Variants in SP4 observed in about 807,000 individuals in gnomAD.
The protein encoded by SP4 is transcription factor Sp4.
Under a neutral mutation model 72.8 loss-of-function variants are expected in SP4, and 19 were observed. The ratio of observed to expected loss-of-function variants is 0.26; its 90% CI spans 0.18 to 0.38. The LOEUF is 0.38. Among genes scored for constraint, SP4 ranks in the 10% least tolerant of loss-of-function variants. The pLI is 1.00. For synonymous variants in SP4, 395 were observed against 333.1 expected (o/e 1.19, Z -2.02); for missense variants, 1,008 against 926.3 (o/e 1.09, Z -1.14).
chr7:21,492,684 C>T (rs554453975), intron 5 of SP4, among the ~76,000 whole-genome samples: 1 of 152,294 alleles, frequency 6.6e-6, no homozygotes, highest in South Asian at 2.1e-4. Context: ...TCAATCATTA[C>T]ACTAAATGCA....
At position 21,512,187 on chromosome 7, in the gene SP4, A is replaced by C. The variant is rs1782164022; in HGVS notation, c.*918A>C. The C allele has an allele frequency of 6.6e-6, 1 of 152,636 alleles. No individual in the cohort carries two copies. Among genetic ancestry groups the C allele is most frequent in the Admixed American group, 6.5e-5 (1 of 15,272 alleles). 9.5% of individuals were successfully genotyped at this position (152,636 alleles called of 1,614,324 possible). A position where few individuals can be genotyped will look rare whatever the true frequency, so the allele number is the denominator to read the frequency against. Reference sequence around the variant, plus strand: ...TGTTCTGTAGTTTCATATTTTGTAAATATGAGTTATGTTGACAATGTGCAG... The same window carrying C: ...TGTTCTGTAGTTTCATATTTTGTAACTATGAGTTATGTTGACAATGTGCAG... On this transcript the variant is annotated 3_prime_UTR_variant, in exon 6 of 6. Coordinates refer to ENST00000222584, the MANE Select transcript of SP4 (RefSeq NM_003112.5).
intron 3 of SP4, among the ~76,000 whole-genome samples, chr7:21,438,782 ATCTTC>A (rs1280696346): frequency 2.6e-5 from 4 of 152,314 alleles, no homozygotes; most frequent in East Asian, 3.9e-4. Flanking sequence ...GTGAATGGGA[ATCTTC>A]TCTTTGTCCA....
chr7:21,458,464 G>T (rs748652387), intron 3 of SP4, among the ~76,000 whole-genome samples: 1 of 152,128 alleles, frequency 6.6e-6, no homozygotes, highest in Admixed American at 6.5e-5. Context: ...GAGTACAGCC[G>T]TGAGCCACTG....
At position 21,511,222 on chromosome 7, in the gene SP4, T is replaced by G. The variant is rs779198359; in HGVS notation, c.2308T>G (p.Ser770Ala). 1.9e-6 allele frequency: 3 copies of G among 1,614,192 alleles called. No individual in the cohort carries two copies. Among genetic ancestry groups the G allele is most frequent in the Non-Finnish European group, 2.5e-6 (3 of 1,180,014 alleles). The change falls in exon 6 of 6, where the codon TCG (serine) becomes GCG (alanine). Residue 770 changes from serine (S) to alanine (A), a missense_variant. Physicochemically the swap from Ser to Ala is moderately conservative, Grantham distance 99. Around this residue, in one of 3 missense-constraint regions of SP4, gnomAD observed 67 missense variants for 66.1 expected, o/e 1.01. Coordinates refer to ENST00000222584, the MANE Select transcript of SP4 (RefSeq NM_003112.5). ...CACAGTTGCAGCCATTTCTCAAGAT[T>G]CGAATCCAGCAACTCCCAATGTTTC... ...IVTVAAISQD[S>A]NPATPNVSTN...
chr7:21,467,444 C>T (rs1784200609), intron 3 of SP4, among the ~76,000 whole-genome samples: 1 of 152,086 alleles, frequency 6.6e-6, no homozygotes, highest in Non-Finnish European at 1.5e-5. Flanking sequence ...TTGCAGCTAT[C>T]ACCACAATCT....
In SP4 at chr7:21,429,856, G is replaced by A. The variant is rs1432734715; in HGVS notation, c.691G>A (p.Val231Ile). The change falls in exon 3 of 6, where the codon GTC becomes ATC. Residue 231 changes from valine to isoleucine, a missense_variant. Physicochemically the swap from Val to Ile is conservative, Grantham distance 29 (BLOSUM62 3). Around this residue, in one of 3 missense-constraint regions of SP4, gnomAD observed 893 missense variants for 743.3 expected, o/e 1.20. Transcript: ENST00000222584. ...AQNLANQTVPVQIRPGVSIPL... is the reference protein window; with the variant it reads ...AQNLANQTVPIQIRPGVSIPL... ...AAACCTGGCAAATCAGACAGTTCCG[G>A]TCCAAATTAGACCTGGTGTTTCAAT... 3 of 1,614,194 alleles carry A rather than the reference G, an allele frequency of 1.9e-6. No homozygotes were observed. Among genetic ancestry groups the A allele is most frequent in the Non-Finnish European group, 2.5e-6 (3 of 1,180,032 alleles).
Position 21,468,001 on chromosome 7 carries a change from A to T in SP4, c.1679-9078A>T, listed in dbSNP as rs1028999109. ...TTTATTTATAGGTAGATAGATAAAT[A>T]GTTTTGTTTTTCAAATTTGCGGATC... On this transcript the variant is annotated intron_variant, in intron 3 of 5. Coordinates refer to ENST00000222584, the MANE Select transcript of SP4 (RefSeq NM_003112.5). Among the ~76,000 whole-genome samples, 5 of 152,260 alleles carry T rather than the reference A, an allele frequency of 3.3e-5. No homozygotes were observed. The East Asian group carries it at 9.6e-4, about 29-fold the overall frequency.
Position 21,429,378 on chromosome 7 carries a change from AATT to A in SP4, c.219_221del (p.Ile74del), listed in dbSNP as rs1447736815. The stretch of plus-strand genomic sequence containing the variant: ...AAAATCAAGCAACTGGACAACAACA[AATT>A]ATTATAGATCCAAGTCAAGGATTGG... On this transcript the variant is annotated inframe_deletion, in exon 3 of 6. Coordinates refer to ENST00000222584, the MANE Select transcript of SP4 (RefSeq NM_003112.5). 1.2e-6 allele frequency: 2 copies of A among 1,613,928 alleles called. No homozygotes were observed. The highest frequency in any genetic ancestry group is 1.7e-6 in the Non-Finnish European group (2 of 1,179,932).
Position 21,461,393 on chromosome 7 carries a change from C to A in SP4, c.1679-15686C>A, listed in dbSNP as rs1016896583. Among the ~76,000 whole-genome samples, 134 of 152,190 alleles carry A rather than the reference C, an allele frequency of 8.8e-4. 1 individual carries two copies. The highest frequency in any genetic ancestry group is 3.1e-4 in the Non-Finnish European group (21 of 68,020). ...TGAGCCCTGCCTCGCGGGGAGGCAGCTAAGGCCTGGCGAGAAATCGAGCGC... is the reference window on the plus strand; with the variant it reads ...TGAGCCCTGCCTCGCGGGGAGGCAGATAAGGCCTGGCGAGAAATCGAGCGC... On this transcript the variant is annotated intron_variant, in intron 3 of 5. Transcript: ENST00000222584.
chr7:21,493,778 C>T (rs141159499), intron 5 of SP4, among the ~76,000 whole-genome samples: 1 of 152,056 alleles, frequency 6.6e-6, no homozygotes, highest in Non-Finnish European at 1.5e-5. Context: ...ATAAATAATA[C>T]CAAATTCTAC....
rs1782805884 is a variant in SP4 at position 21,430,486 on chromosome 7, T to C, written c.1321T>C (p.Leu441=). ...GATTCAGACCATCCAGCAGCAGCCT[T>C]TACAGAATGTTCAACTTCAAGCAGT... is the stretch of plus-strand genomic sequence containing the variant. ...QTIQTIQQQP[L]QNVQLQAVNP... is the part of the protein sequence containing the mutation. Residue 441 remains leucine (L), a synonymous_variant, in exon 3 of 6, where the codon TTA becomes CTA. Transcript: ENST00000222584. 3 of 1,614,196 alleles carry C rather than the reference T, an allele frequency of 1.9e-6. No homozygotes were observed. Among genetic ancestry groups the C allele is most frequent in the Non-Finnish European group, 2.5e-6 (3 of 1,180,034 alleles).
intron 5 of SP4, among the ~76,000 whole-genome samples, chr7:21,503,278 G>A (rs746053271): frequency 2.2e-4 from 33 of 152,246 alleles, no homozygotes; most frequent in African/African-American, 6.7e-4. Flanking sequence ...TTCCATAGCC[G>A]GAAGATCTGT....
rs1478935668 is a variant in SP4, at chr7:21,478,515, A to G, written c.1907+1208A>G. ...AGGGTATGAAGGTTCCAGTCTCTCTAGATCATTGCCAGTACTTGTCATTAT... is the reference window on the plus strand; with the variant it reads ...AGGGTATGAAGGTTCCAGTCTCTCTGGATCATTGCCAGTACTTGTCATTAT... On this transcript the variant is annotated intron_variant, in intron 4 of 5. Coordinates refer to ENST00000222584, the MANE Select transcript of SP4 (RefSeq NM_003112.5). Among the ~76,000 whole-genome samples the G allele has an allele frequency of 2.6e-5, 4 of 152,072 alleles. No individual in the cohort carries two copies. The East Asian group carries it at 7.7e-4, about 29-fold the overall frequency.
chr7:21,485,912 T>TAGATCTCATATTGGTTCTCA (rs1784801359), intron 5 of SP4, among the ~76,000 whole-genome samples: 1 of 152,054 alleles, frequency 6.6e-6, no homozygotes, highest in African/African-American at 2.4e-5. Flanking sequence ...CTGTTCGTTT[T>TAGATCTCATATTGGTTCTCA]AGATCTCATA....
intron 3 of SP4, among the ~76,000 whole-genome samples, chr7:21,443,545 C>T (rs997270621): frequency 6.6e-5 from 10 of 152,136 alleles, no homozygotes; most frequent in Non-Finnish European, 1.2e-4. Flanking sequence ...GGGTTTAGTA[C>T]AGTTCTGTAA....
chr7:21,442,119 G>A (rs2128394958), intron 3 of SP4, among the ~76,000 whole-genome samples: 1 of 147,334 alleles, frequency 6.8e-6, no homozygotes, highest in African/African-American at 2.5e-5. Context: ...GCTCGCTGCA[G>A]CCTCTGCCTC....
At chr7:21,469,993 G>A (rs533175932) in intron 3 of SP4, among the ~76,000 whole-genome samples, 33 of 152,086 alleles carry the variant, frequency 2.2e-4, no homozygotes, top group Non-Finnish European at 4.7e-4. Context: ...TGAGAGTTAT[G>A]CTCTGGGATC....
chr7:21,463,548 T>C (rs1385232023), intron 3 of SP4, among the ~76,000 whole-genome samples: 1 of 151,706 alleles, frequency 6.6e-6, no homozygotes, highest in Non-Finnish European at 1.5e-5. Flanking sequence ...CAGAGGAGGG[T>C]TGGATTGAGA....
In SP4 at chr7:21,458,090, T is replaced by C. The variant is rs185120909; in HGVS notation, c.1679-18989T>C. Reference sequence around the variant, plus strand: ...TGTATTAAAAGGATTTGGCTTTGATTATAGCTTTACAGTGAAGTTCATTTC... The same window carrying C: ...TGTATTAAAAGGATTTGGCTTTGATCATAGCTTTACAGTGAAGTTCATTTC... On this transcript the variant is annotated intron_variant, in intron 3 of 5. Transcript: ENST00000222584. 5.3e-5 allele frequency among the ~76,000 whole-genome samples: 8 copies of C among 152,292 alleles called. No homozygotes were observed. In the East Asian group the frequency reaches 1.5e-3, roughly 29 times the overall value.
Sources: gnomAD v4.1 joint callset for allele counts (sites outside exome capture counted in the v4.1 genomes callset) on GRCh38, gnomAD v4.1.1 for gene constraint, gnomAD v4.1.1 regional missense constraint, MANE v1.5 for transcripts, NCBI Gene and HGNC (gene_info 2026-07-23, HGNC 2026-07-21) for gene names.